Variants in APLP1 observed in about 807,000 individuals in gnomAD.
The protein encoded by APLP1 is amyloid beta (A4) precursor-like protein 1.
A neutral mutation model predicts 84.5 loss-of-function variants in APLP1; 46 were observed. The ratio of observed to expected loss-of-function variants is 0.54; its 90% CI spans 0.43 to 0.70. The LOEUF (loss-of-function observed/expected upper bound fraction) is 0.70. APLP1 is among the 30% of genes least tolerant of loss of function. APLP1 has a pLI of 0.00. For missense variants in APLP1, 826 were observed against 900.2 expected, an observed-to-expected ratio of 0.92 and a Z score of 1.05; for synonymous variants, 376 against 364.0, an observed-to-expected ratio of 1.03 and a Z score of -0.38.
intron 1 of APLP1, chr19:35,869,407 G>A (rs1974081210): frequency 1.6e-6 from 1 of 642,534 alleles, no homozygotes; most frequent in Admixed American, 3.0e-5. Context: ...CGGCTGCGCT[G>A]GGGTGGGGGC....
chr19:35,873,762 C>T (rs1285266508), intron 8 of APLP1, 49 bp downstream of exon 8: 1 of 1,563,684 alleles, frequency 6.4e-7, no homozygotes, highest in East Asian at 2.3e-5. Context: ...CCACCTGGAG[C>T]ACACTCAGTT....
At chr19:35,873,738 C>T in intron 8 of APLP1, 25 bp downstream of exon 8, 1 of 1,607,516 alleles carries the variant, frequency 6.2e-7, no homozygotes, top group Non-Finnish European at 8.5e-7. Flanking sequence ...GTGGGTCCTA[C>T]TCATGCCTGT....
At chr19:35,878,054 C>T in intron 12 of APLP1, 28 bp from the exon 13 acceptor site, 2 of 1,610,224 alleles carry the variant, frequency 1.2e-6, no homozygotes, top group Non-Finnish European at 1.7e-6. Flanking sequence ...CTTCACTGTT[C>T]CACTCCCTTG....
In APLP1 at chr19:35,868,686, A is replaced by C; in HGVS notation, c.50A>C (p.Gln17Pro). Residue 17 changes from glutamine to proline, a missense_variant, in exon 1 of 17, where the codon CAG (glutamine) becomes CCG (proline). By Grantham distance (76) the Gln-to-Pro change is moderately conservative. Transcript: ENST00000221891. The surrounding 1 kb of genome is among the most constrained non-coding windows in gnomAD (Gnocchi z 5.2). ...CGCGGTCTAAGTCGCCGCCCGGGCC[A>C]GCCGCCGCTGCCGCTGCTGCTGCCA... ...AARGLSRRPG[Q>P]PPLPLLLPLL... The C allele has an allele frequency of 7.1e-7, 1 of 1,408,622 alleles. No homozygotes were observed. Among genetic ancestry groups the C allele is most frequent in the Non-Finnish European group, 9.2e-7 (1 of 1,085,262 alleles). 87.3% of individuals were successfully genotyped at this position (1,408,622 alleles called of 1,614,324 possible). A position where few individuals can be genotyped will look rare whatever the true frequency, so the allele number is the denominator to read the frequency against.
intron 13 of APLP1, 71 bp downstream of exon 13, chr19:35,878,179 C>T: frequency 6.6e-7 from 1 of 1,513,768 alleles, no homozygotes; most frequent in Non-Finnish European, 9.0e-7. Context: ...AAACAGGGTC[C>T]ATCCATTGGG....
chr19:35,872,699 C>A, intron 7 of APLP1, 86 bp downstream of exon 7: 1 of 1,456,692 alleles, frequency 6.9e-7, no homozygotes, highest in Non-Finnish European at 9.2e-7. Flanking sequence ...TTGATACTAC[C>A]TCCAAAGGCT....
At chr19:35,871,451 C>G in intron 4 of APLP1, 102 bp downstream of exon 4, 1 of 1,343,622 alleles carries the variant, frequency 7.4e-7, no homozygotes, top group Non-Finnish European at 1.0e-6. Context: ...CACCAGCATC[C>G]TCTTCGCACT....
intron 16 of APLP1, 40 bp from the exon 17 acceptor site, chr19:35,879,303 C>T: frequency 6.2e-7 from 1 of 1,611,754 alleles, no homozygotes; most frequent in South Asian, 1.1e-5. Context: ...CAGTCCCGCC[C>T]CCGCACCACA....
chr19:35,875,050 C>T (rs1025936250), intron 10 of APLP1, among the ~76,000 whole-genome samples, 181 bp downstream of exon 10: 8 of 152,122 alleles, frequency 5.3e-5, no homozygotes, highest in African/African-American at 1.9e-4. Context: ...AACATGGACC[C>T]TCACATGCTG....
chr19:35,870,955 G>A lies in APLP1; in HGVS notation c.351G>A (p.Glu117=), dbSNP rs2146902448. ...VEQATQAIPM[E]RWCGGSRSGS... ...AGGCTACGCAGGCCATCCCCATGGA[G>A]CGCTGGTGCGGGGGTTCCCGGAGCG... The change falls in exon 3 of 17, where the codon GAG becomes GAA. Residue 117 remains glutamate, a synonymous_variant. Coordinates refer to ENST00000221891, the MANE Select transcript of APLP1 (RefSeq NM_001024807.3). 1.3e-6 allele frequency: 2 copies of A among 1,591,474 alleles called. No individual in the cohort carries two copies. Among genetic ancestry groups the A allele is most frequent in the East Asian group, 2.3e-5 (1 of 44,092 alleles).
intron 11 of APLP1, among the ~76,000 whole-genome samples, chr19:35,876,837 C>T (rs1465227402): frequency 1.3e-5 from 2 of 152,194 alleles, no homozygotes; most frequent in African/African-American, 4.8e-5. Context: ...AAGCATGCAG[C>T]TGTATTTAGC....
rs781650082 is a variant in APLP1, at chr19:35,871,296, G to A, written c.484G>A (p.Glu162Lys). Residue 162 changes from glutamate to lysine, a missense_variant, in exon 4 of 17, where the codon GAG becomes AAG. Physicochemically the swap from Glu to Lys is moderately conservative, Grantham distance 56. Coordinates refer to ENST00000221891, the MANE Select transcript of APLP1 (RefSeq NM_001024807.3). ...TGAAGGCTGCCGGTTCTTGCACCAG[G>A]AGCGCATGGACCAATGTGAGAGTTC... ...VPEGCRFLHQ[E>K]RMDQCESSTR... The A allele has an allele frequency of 6.2e-7, 1 of 1,613,438 alleles. No homozygotes were observed. The highest frequency in any genetic ancestry group is 8.5e-7 in the Non-Finnish European group (1 of 1,179,830).
At position 35,875,160 on chromosome 19, in the gene APLP1, C is replaced by CTTTT. The variant is rs71167572; in HGVS notation, c.1344+308_1344+311dup. Among the ~76,000 whole-genome samples the CTTTT allele has an allele frequency of 3.8e-3, 437 of 115,728 alleles. 11 individuals are homozygous for CTTTT. The East Asian group carries it at 0.047, about 12-fold the overall frequency. 75.9% of individuals were successfully genotyped at this position (115,728 alleles called of 152,430 possible). Reference sequence around the variant, plus strand: ...TTTTCACTGCCTTTCCCAGAATCGTCTTTTTTTTTTTTTTTTTTTTGAGAC... The same window carrying CTTTT: ...TTTTCACTGCCTTTCCCAGAATCGTCTTTTTTTTTTTTTTTTTTTTTTTTGAGAC... On this transcript the variant is annotated intron_variant, in intron 10 of 16. Coordinates refer to ENST00000221891, the MANE Select transcript of APLP1 (RefSeq NM_001024807.3).
Position 35,878,584 on chromosome 19 carries a change from G to A in APLP1, c.1580G>A (p.Gly527Glu), listed in dbSNP as rs1974334686. ...AGAATGAGATCAGACTTGGGGGTAGGGTCCACAGAACAAGATGCTGCATCC... is the reference window on the plus strand; with the variant it reads ...AGAATGAGATCAGACTTGGGGGTAGAGTCCACAGAACAAGATGCTGCATCC... ...DADTPMTLPK[G>E]STEQDAASPE... Residue 527 changes from glycine (G) to glutamate (E), a missense_variant and splice_region_variant, in exon 14 of 17, where the codon GGG becomes GAG. Gly to Glu is a moderately conservative substitution (Grantham distance 98). Around this residue, in one of 3 missense-constraint regions of APLP1, gnomAD observed 433 missense variants for 496.5 expected, o/e 0.87. Transcript: ENST00000221891. 1 of 1,613,834 alleles carries A rather than the reference G, an allele frequency of 6.2e-7. No homozygotes were observed. Among genetic ancestry groups the A allele is most frequent in the Non-Finnish European group, 8.5e-7 (1 of 1,179,974 alleles).
chr19:35,874,950 C>T lies in APLP1; in HGVS notation c.1344+81C>T. ...TCAGGCTCTTCTCTTGTCCCTTAGA[C>T]CCTCTTTCTGTCTCTTGGACCCCTT... On this transcript the variant is annotated intron_variant, in intron 10 of 16. Coordinates refer to ENST00000221891, the MANE Select transcript of APLP1 (RefSeq NM_001024807.3). This position sits in a 1 kb window ranked among gnomAD's most constrained non-coding sequence, Gnocchi z 6.4. The T allele has an allele frequency of 6.5e-7, 1 of 1,532,734 alleles. No individual in the cohort carries two copies. Among genetic ancestry groups the T allele is most frequent in the African/African-American group, 1.4e-5 (1 of 73,538 alleles). 94.9% of individuals were successfully genotyped at this position (1,532,734 alleles called of 1,614,324 possible). A position where few individuals can be genotyped will look rare whatever the true frequency, so the allele number is the denominator to read the frequency against.
chr19:35,872,488 C>G lies in APLP1; in HGVS notation c.856C>G (p.Pro286Ala). Residue 286 changes from proline to alanine, a missense_variant, in exon 7 of 17, where the codon CCC becomes GCC. Physicochemically the swap from Pro to Ala is conservative, Grantham distance 27. Around this residue, in one of 3 missense-constraint regions of APLP1, gnomAD observed 433 missense variants for 496.5 expected, o/e 0.87. Coordinates refer to ENST00000221891, the MANE Select transcript of APLP1 (RefSeq NM_001024807.3). ...CCTGATCCCTGGTCTTGCAGTCACT[C>G]CCACCCCGAGGCCCACAGACGGTGT... The part of the protein sequence containing the change: ...HTLAVVGKVT[P>A]TPRPTDGVDI... The G allele has an allele frequency of 4.3e-6, 7 of 1,612,268 alleles. No individual in the cohort carries two copies. Among genetic ancestry groups the G allele is most frequent in the Non-Finnish European group, 5.9e-6 (7 of 1,179,410 alleles).
chr19:35,871,488 C>G, intron 4 of APLP1, 124 bp from the exon 5 acceptor site: 1 of 1,408,018 alleles, frequency 7.1e-7, no homozygotes, highest in Non-Finnish European at 9.9e-7. Flanking sequence ...CATCCCCCAA[C>G]CCCTTCCTCT....
chr19:35,868,926 C>G lies in APLP1; in HGVS notation c.147+143C>G, dbSNP rs1236498219. 4 of 650,264 alleles carry G rather than the reference C, an allele frequency of 6.2e-6. No individual in the cohort carries two copies. The highest frequency in any genetic ancestry group is 8.8e-6 in the Non-Finnish European group (4 of 452,404). The allele number at this position is 650,264 out of a possible 1,614,324, so 40.3% of individuals were successfully genotyped here. A position where few individuals can be genotyped will look rare whatever the true frequency, so the allele number is the denominator to read the frequency against. ...AGGCGCCCCCAATCACATTTATGAA[C>G]CCAGGGTTCCAGGCCCCAGCTCCCC... On this transcript the variant is annotated intron_variant, in intron 1 of 16. Transcript: ENST00000221891. The surrounding 1 kb of genome is among the most constrained non-coding windows in gnomAD (Gnocchi z 5.2).
chr19:35,869,368 T>C, intron 1 of APLP1: 1 of 577,250 alleles, frequency 1.7e-6, no homozygotes, highest in East Asian at 3.1e-5. Flanking sequence ...TCCTCCGCGA[T>C]TCAGGTTTAA....
Sources: allele counts gnomAD v4.1 joint callset (sites outside exome capture counted in the v4.1 genomes callset), GRCh38; gene constraint gnomAD v4.1.1; regional missense constraint gnomAD v4.1.1; non-coding constraint Gnocchi (gnomAD v3.1); transcripts MANE v1.5; gene names NCBI Gene and HGNC (gene_info 2026-07-23, HGNC 2026-07-21).